The following SYCP2L variants were observed in gnomAD, a reference collection of about 807,000 sequenced individuals.
SYCP2L encodes synaptonemal complex protein 2-like.
A neutral mutation model predicts 125.8 loss-of-function variants in SYCP2L; 98 were observed. That is an observed-to-expected ratio of 0.78 (90% CI 0.66 to 0.92). SYCP2L has a LOEUF of 0.92. Among genes scored for constraint, SYCP2L ranks in the 40% least tolerant of loss-of-function variants. SYCP2L has a pLI of 0.00. For missense variants in SYCP2L, 842 were observed against 936.4 expected (o/e 0.90, Z 1.32); for synonymous variants, 317 against 325.4 (o/e 0.97, Z 0.28).
At chr6:10,937,185 A>G (rs1309045643) in intron 21 of SYCP2L, among the ~76,000 whole-genome samples, 1 of 152,190 alleles carries the variant, frequency 6.6e-6, no homozygotes, top group East Asian at 1.9e-4. Context: ...AGAATTGATC[A>G]TATGTTGGGC....
intron 11 of SYCP2L, among the ~76,000 whole-genome samples, chr6:10,910,488 C>A (rs1165851882): frequency 6.6e-6 from 1 of 152,148 alleles, no homozygotes; most frequent in Admixed American, 6.6e-5. Context: ...TTATGAAGAA[C>A]AATTTCCTGA....
intron 15 of SYCP2L, among the ~76,000 whole-genome samples, chr6:10,925,521 G>A (rs892969061): frequency 2.0e-5 from 3 of 152,178 alleles, no homozygotes; most frequent in Admixed American, 6.5e-5. Context: ...GGTAGACAGG[G>A]CAAAGAAATT....
chr6:10,948,748 C>T (rs773001680), intron 23 of SYCP2L, among the ~76,000 whole-genome samples: 1 of 152,100 alleles, frequency 6.6e-6, no homozygotes, highest in Non-Finnish European at 1.5e-5. Flanking sequence ...GCAGCTCTCT[C>T]TCTTGCTGGA....
chr6:10,939,587 T>A (rs549182168), intron 21 of SYCP2L, among the ~76,000 whole-genome samples: 96 of 152,296 alleles, frequency 6.3e-4, no homozygotes, highest in Admixed American at 1.3e-3. Flanking sequence ...TATGGCCACT[T>A]AATCTTTGAA....
chr6:10,911,943 C>T (rs1472765087), intron 12 of SYCP2L, among the ~76,000 whole-genome samples: 1 of 109,702 alleles, frequency 9.1e-6, no homozygotes, highest in Non-Finnish European at 1.8e-5. Flanking sequence ...ACTCTGTTGC[C>T]CAGGCTGGAG....
chr6:10,905,984 C>G, intron 8 of SYCP2L, 36 bp from the exon 9 acceptor site: 1 of 1,486,292 alleles, frequency 6.7e-7, no homozygotes, highest in Non-Finnish European at 9.3e-7. Flanking sequence ...TCTTGATGTT[C>G]ACTTCAGTTA....
rs532735872 is a variant in SYCP2L, at chr6:10,926,269, C to T, written c.1219-70C>T. 9.2e-5 allele frequency: 105 copies of T among 1,142,626 alleles called. No individual in the cohort carries two copies. In the East Asian group the frequency reaches 1.6e-3, roughly 18 times the overall value. The allele number at this position is 1,142,626 out of a possible 1,614,324, so 70.8% of individuals were successfully genotyped here. A position where few individuals can be genotyped will look rare whatever the true frequency, so the allele number is the denominator to read the frequency against. On this transcript the variant is annotated intron_variant, in intron 15 of 29. Transcript: ENST00000283141. ...TCAGTGTGTTTTGTTCTAAGCTTTACGTTTTCCTTAAATTTTTTTTTTTTT... is the reference window on the plus strand; with the variant it reads ...TCAGTGTGTTTTGTTCTAAGCTTTATGTTTTCCTTAAATTTTTTTTTTTTT...
rs1780594911 is a variant in SYCP2L, at chr6:10,910,887, G to A, written c.918+18G>A. 1.2e-6 allele frequency: 2 copies of A among 1,613,888 alleles called. No individual in the cohort carries two copies. Among genetic ancestry groups the A allele is most frequent in the Non-Finnish European group, 1.7e-6 (2 of 1,179,930 alleles). On this transcript the variant is annotated intron_variant, in intron 12 of 29. Coordinates refer to ENST00000283141, the MANE Select transcript of SYCP2L (RefSeq NM_001040274.3). ...AGCATGAGGTATGTTCATCCCTCTTGGAGGTCCTGAGGGCGGTGTGCAGTG... is the reference window on the plus strand; with the variant it reads ...AGCATGAGGTATGTTCATCCCTCTTAGAGGTCCTGAGGGCGGTGTGCAGTG...
chr6:10,948,079 A>G (rs1330770563), intron 23 of SYCP2L, among the ~76,000 whole-genome samples: 2 of 152,154 alleles, frequency 1.3e-5, no homozygotes, highest in Admixed American at 6.6e-5. Flanking sequence ...TAAAAATTGT[A>G]TATATTTAAG....
intron 20 of SYCP2L, 118 bp downstream of exon 20, chr6:10,931,607 C>A: frequency 1.1e-6 from 1 of 938,822 alleles, no homozygotes; most frequent in South Asian, 1.5e-5. Context: ...ATATGTGAAT[C>A]ACCGCCAATA....
At chr6:10,955,062 A>G (rs1164108706) in intron 23 of SYCP2L, 54 bp from the exon 24 acceptor site, 14 of 1,356,672 alleles carry the variant, frequency 1.0e-5, no homozygotes, top group East Asian at 9.2e-5. Context: ...TAACTGCCAA[A>G]AAATGAACAA....
In SYCP2L at chr6:10,963,764, T is replaced by C. The variant is rs776676985; in HGVS notation, c.2415-18T>C. On this transcript the variant is annotated intron_variant, in intron 28 of 29. Transcript: ENST00000283141. ...TGTCTAATGTGAATATAATAAGAGA[T>C]GGACCAATTTCTTCCAGGTTCAATT... The C allele has an allele frequency of 1.2e-5, 20 of 1,613,324 alleles. No homozygotes were observed. The highest frequency in any genetic ancestry group is 1.5e-5 in the Non-Finnish European group (18 of 1,179,498).
intron 10 of SYCP2L, among the ~76,000 whole-genome samples, chr6:10,909,506 T>C (rs551889928): frequency 2.0e-5 from 3 of 152,172 alleles, no homozygotes; most frequent in African/African-American, 7.2e-5. Context: ...GCATAAGGAG[T>C]GTTGACTGCA....
chr6:10,916,100 A>G (rs1363024357), intron 14 of SYCP2L, among the ~76,000 whole-genome samples: 3 of 152,058 alleles, frequency 2.0e-5, no homozygotes, highest in Admixed American at 2.0e-4. Flanking sequence ...TTTCTAGTTT[A>G]TGTGTGTAAT....
intron 21 of SYCP2L, among the ~76,000 whole-genome samples, chr6:10,942,001 G>A (rs1283765957): frequency 3.3e-5 from 5 of 152,022 alleles, no homozygotes; most frequent in Admixed American, 6.5e-5. Flanking sequence ...CATGTCCTTT[G>A]TAGGGACATG....
chr6:10,925,513 T>C (rs1055220771), intron 15 of SYCP2L, among the ~76,000 whole-genome samples: 2 of 152,174 alleles, frequency 1.3e-5, no homozygotes, highest in African/African-American at 4.8e-5. Context: ...TCACAGATGG[T>C]AGACAGGGCA....
intron 6 of SYCP2L, among the ~76,000 whole-genome samples, chr6:10,902,199 A>G (rs1265209887): frequency 1.3e-5 from 2 of 152,222 alleles, no homozygotes; most frequent in East Asian, 3.8e-4. Flanking sequence ...AGGCCACCAA[A>G]AAGTCCATTA....
Position 10,956,246 on chromosome 6 carries a change from G to T in SYCP2L, c.2163+4G>T, listed in dbSNP as rs1465368197. 1 of 1,604,434 alleles carries T rather than the reference G, an allele frequency of 6.2e-7. No individual in the cohort carries two copies. The highest frequency in any genetic ancestry group is 8.5e-7 in the Non-Finnish European group (1 of 1,172,658). On this transcript the variant is annotated splice_donor_region_variant and intron_variant, in intron 25 of 29. Transcript: ENST00000283141. ...AAAACGGAAAAGAAAATATGAGGTA[G>T]TAGTCCACAAAACTTAAAAAACTAG... is the stretch of plus-strand genomic sequence containing the variant.
chr6:10,944,652 G>A (rs938573193), intron 23 of SYCP2L, among the ~76,000 whole-genome samples: 3 of 151,462 alleles, frequency 2.0e-5, no homozygotes, highest in Non-Finnish European at 4.4e-5. Flanking sequence ...TACTGCTTTA[G>A]GTGAATCCCA....
Sources: gnomAD v4.1 joint callset for allele counts (sites outside exome capture counted in the v4.1 genomes callset) on GRCh38, gnomAD v4.1.1 for gene constraint, MANE v1.5 for transcripts, NCBI Gene and HGNC (gene_info 2026-07-23, HGNC 2026-07-21) for gene names.